Variants in SORCS2 observed in about 807,000 individuals in gnomAD.
SORCS2 encodes the protein VPS10 domain-containing receptor SorCS2.
Under a neutral mutation model 141.6 loss-of-function variants are expected in SORCS2, and 100 were observed. The ratio of observed to expected loss-of-function variants is 0.71; its 90% CI spans 0.60 to 0.83. The LOEUF (loss-of-function observed/expected upper bound fraction) is 0.83, where lower values mean the gene tolerates loss of function less well. Ranked by LOEUF, SORCS2 falls within the 40% of genes least tolerant of loss-of-function variation. The pLI, the probability that SORCS2 is intolerant of heterozygous loss-of-function variation, is 0.00. For missense variants in SORCS2, 1,646 were observed against 1,560.2 expected (o/e 1.05, Z -0.93); for synonymous variants, 789 against 676.9 (o/e 1.17, Z -2.57).
intron 2 of SORCS2, among the ~76,000 whole-genome samples, chr4:7,463,626 T>C (rs7683218): frequency 0.37 from 55,779 of 151,982 alleles, 10,742 homozygotes; most frequent in African/African-American, 0.44. Context: ...AAGCAATTTG[T>C]TGCTTAACTT....
chr4:7,569,865 C>T lies in SORCS2; in HGVS notation c.648+38236C>T, dbSNP rs573051420. Among the ~76,000 whole-genome samples the T allele has an allele frequency of 9.6e-4, 147 of 152,338 alleles. 1 individual carries two copies. Among genetic ancestry groups the T allele is most frequent in the Non-Finnish European group, 1.5e-3 (102 of 68,034 alleles). ...GTCCTCAGCCCAAATAAATGTCCTT[C>T]GGAGCCACTGGGTGGATGTGGCCTC... On this transcript the variant is annotated intron_variant, in intron 3 of 26. Transcript: ENST00000507866.
chr4:7,412,308 A>T (rs1189595639), intron 2 of SORCS2, among the ~76,000 whole-genome samples: 1 of 152,162 alleles, frequency 6.6e-6, no homozygotes, highest in Non-Finnish European at 1.5e-5. Context: ...GGAAAAAGCA[A>T]ACTGGGGCAG....
chr4:7,341,378 G>A (rs1720358806), intron 1 of SORCS2, among the ~76,000 whole-genome samples: 1 of 152,230 alleles, frequency 6.6e-6, no homozygotes, highest in African/African-American at 2.4e-5. Flanking sequence ...TGCAAATGGA[G>A]CAATCCTCCC....
At chr4:7,242,688 A>G (rs1172567164) in intron 1 of SORCS2, among the ~76,000 whole-genome samples, 1 of 152,082 alleles carries the variant, frequency 6.6e-6, no homozygotes, top group Admixed American at 6.5e-5. Context: ...TTCAAATGTT[A>G]GCTTTTGGGT....
intron 3 of SORCS2, among the ~76,000 whole-genome samples, chr4:7,550,363 C>A (rs1713606268): frequency 6.6e-6 from 1 of 152,184 alleles, no homozygotes; most frequent in Non-Finnish European, 1.5e-5. Flanking sequence ...CAACACTTCC[C>A]AGGGCCTCAG....
intron 24 of SORCS2, among the ~76,000 whole-genome samples, chr4:7,733,648 C>T (rs1046480052): frequency 2.0e-5 from 3 of 152,214 alleles, no homozygotes; most frequent in African/African-American, 7.2e-5. Flanking sequence ...CTTCGGGTCT[C>T]GGATAATCTC....
At chr4:7,515,466 G>A (rs1732913915) in intron 2 of SORCS2, among the ~76,000 whole-genome samples, 2 of 152,166 alleles carry the variant, frequency 1.3e-5, no homozygotes, top group Admixed American at 6.5e-5. Flanking sequence ...TCTCAGAGCT[G>A]TAGCCTTGGC....
At chr4:7,636,934 G>A (rs552513426) in intron 3 of SORCS2, among the ~76,000 whole-genome samples, 1 of 152,208 alleles carries the variant, frequency 6.6e-6, no homozygotes, top group East Asian at 1.9e-4. Context: ...TTCGTTCTGT[G>A]CCGCTCCCAG....
chr4:7,610,879 C>T (rs968628991), intron 3 of SORCS2, among the ~76,000 whole-genome samples: 2 of 152,112 alleles, frequency 1.3e-5, no homozygotes, highest in African/African-American at 4.8e-5. Flanking sequence ...GGAGGATTTC[C>T]AAGCAGGGGC....
At chr4:7,472,493 G>C (rs1008413167) in intron 2 of SORCS2, among the ~76,000 whole-genome samples, 1 of 152,000 alleles carries the variant, frequency 6.6e-6, no homozygotes. Flanking sequence ...TGTGGCAAGC[G>C]GGGGACAAGA....
At chr4:7,656,909 C>A (rs1275275016) in intron 5 of SORCS2, among the ~76,000 whole-genome samples, 1 of 152,244 alleles carries the variant, frequency 6.6e-6, no homozygotes, top group Non-Finnish European at 1.5e-5. Context: ...CAGTTCCCAC[C>A]TCCCCAAAAC....
intron 1 of SORCS2, among the ~76,000 whole-genome samples, chr4:7,338,149 G>T (rs1720111436): frequency 6.6e-6 from 1 of 151,632 alleles, no homozygotes; most frequent in African/African-American, 2.4e-5. Flanking sequence ...TGGTTGCATG[G>T]ATGGATGTTG....
At chr4:7,271,407 G>A (rs775210165) in intron 1 of SORCS2, among the ~76,000 whole-genome samples, 27 of 152,234 alleles carry the variant, frequency 1.8e-4, no homozygotes, top group South Asian at 1.7e-3. Flanking sequence ...CCTGCTAGGC[G>A]TGCTCCAGCC....
intron 1 of SORCS2, among the ~76,000 whole-genome samples, chr4:7,383,819 T>C (rs1723134508): frequency 6.6e-6 from 1 of 152,168 alleles, no homozygotes; most frequent in African/African-American, 2.4e-5. Context: ...ACGGGTGAAA[T>C]TAAAATTCAA....
intron 2 of SORCS2, among the ~76,000 whole-genome samples, chr4:7,462,952 A>G (rs1045114325): frequency 2.0e-5 from 3 of 151,598 alleles, no homozygotes; most frequent in Non-Finnish European, 4.4e-5. Context: ...GCTTGCCAAT[A>G]TGGGGACTGA....
At chr4:7,469,771 A>T (rs1729857105) in intron 2 of SORCS2, among the ~76,000 whole-genome samples, 1 of 152,266 alleles carries the variant, frequency 6.6e-6, no homozygotes, top group African/African-American at 2.4e-5. Context: ...GCCAAGGCTG[A>T]GAACCCCTGC....
intron 1 of SORCS2, among the ~76,000 whole-genome samples, chr4:7,369,596 C>T (rs1288484344): frequency 6.6e-6 from 1 of 152,140 alleles, no homozygotes; most frequent in Admixed American, 6.5e-5. Context: ...ATAGAGAGTT[C>T]AGTTTGGAGT....
intron 3 of SORCS2, among the ~76,000 whole-genome samples, chr4:7,601,077 G>A (rs559097041): frequency 1.3e-5 from 2 of 152,046 alleles, no homozygotes; most frequent in Non-Finnish European, 2.9e-5. Context: ...GCAGGAACAG[G>A]GTTTCGCCGT....
At chr4:7,419,579 G>C (rs546692158) in intron 2 of SORCS2, among the ~76,000 whole-genome samples, 9 of 152,178 alleles carry the variant, frequency 5.9e-5, no homozygotes, top group Non-Finnish European at 1.2e-4. Flanking sequence ...ATAATCTCTC[G>C]AGTGCATGGA....
Sources: gnomAD v4.1 joint callset for allele counts (sites outside exome capture counted in the v4.1 genomes callset) on GRCh38, gnomAD v4.1.1 for gene constraint, MANE v1.5 for transcripts, NCBI Gene and HGNC (gene_info 2026-07-23, HGNC 2026-07-21) for gene names.